SPATA13: variants seen among roughly 807,000 people sequenced by gnomAD.
SPATA13 encodes spermatogenesis-associated protein 13.
A neutral mutation model predicts 104.0 loss-of-function variants in SPATA13; 50 were observed. That is an observed-to-expected ratio of 0.48 (90% CI 0.38 to 0.61). SPATA13 has a LOEUF of 0.61. Among genes scored for constraint, SPATA13 ranks in the 20% least tolerant of loss-of-function variants. SPATA13 has a pLI of 0.00. For synonymous variants in SPATA13, 606 were observed against 667.5 expected (o/e 0.91, Z 1.42); for missense variants, 1,524 against 1,690.6 (o/e 0.90, Z 1.73).
chr13:24,057,613 G>A (rs1016980091), intron 3 of SPATA13, among the ~76,000 whole-genome samples: 2 of 146,580 alleles, frequency 1.4e-5, no homozygotes, highest in African/African-American at 2.4e-5. Flanking sequence ...CTACTTCTTT[G>A]TTTTCTCTCC....
chr13:24,211,847 G>A (rs1212480149), intron 1 of SPATA13, among the ~76,000 whole-genome samples: 2 of 152,140 alleles, frequency 1.3e-5, no homozygotes, highest in African/African-American at 4.8e-5. Context: ...TCCTCCAGCT[G>A]GGGTCTCTGT....
At chr13:24,141,639 G>A (rs1881764126) in intron 3 of SPATA13, among the ~76,000 whole-genome samples, 1 of 152,198 alleles carries the variant, frequency 6.6e-6, no homozygotes, top group South Asian at 2.1e-4. Flanking sequence ...AAGGGCACGA[G>A]TCATGTTCAT....
At chr13:24,127,518 C>CCA (rs1452658570) in intron 3 of SPATA13, among the ~76,000 whole-genome samples, 1 of 152,164 alleles carries the variant, frequency 6.6e-6, no homozygotes, top group East Asian at 1.9e-4. Context: ...GAAGGGTGAA[C>CCA]CATAGAGTGA....
At chr13:24,283,168 C>G (rs911225837) in intron 4 of SPATA13, among the ~76,000 whole-genome samples, 1 of 152,202 alleles carries the variant, frequency 6.6e-6, no homozygotes, top group African/African-American at 2.4e-5. Context: ...AAGCCTTTCC[C>G]TGACTGGGGA....
At chr13:24,086,977 C>T (rs1174287965) in intron 3 of SPATA13, among the ~76,000 whole-genome samples, 1 of 152,206 alleles carries the variant, frequency 6.6e-6, no homozygotes, top group Non-Finnish European at 1.5e-5. Context: ...AATCTGGTTT[C>T]CCTGTGGCCC....
At chr13:24,195,881 A>G (rs952664617) in intron 1 of SPATA13, among the ~76,000 whole-genome samples, 2 of 152,192 alleles carry the variant, frequency 1.3e-5, no homozygotes, top group Admixed American at 1.3e-4. Flanking sequence ...AGCTCAAGTG[A>G]TGTTTGGATT....
rs74701715 is a variant in SPATA13 at position 24,003,850 on chromosome 13, G to A, written c.-146-13817G>A. 4.7e-3 allele frequency among the ~76,000 whole-genome samples: 722 copies of A among 152,194 alleles called. 5 individuals carry two copies. The highest frequency in any genetic ancestry group is 0.016 in the African/African-American group (684 of 41,500). ...ACATATTTAATACAATATTAGAGAC[G>A]TGGGAAAAAACACAATATACATCAG... On this transcript the variant is annotated intron_variant, in intron 2 of 14. Transcript: ENST00000424834.
chr13:24,004,753 C>T (rs560669008), intron 2 of SPATA13, among the ~76,000 whole-genome samples: 16 of 152,094 alleles, frequency 1.1e-4, no homozygotes, highest in African/African-American at 3.1e-4. Flanking sequence ...TCACAGTATC[C>T]GTGAAAGCTG....
chr13:24,153,850 G>T (rs534401960), intron 3 of SPATA13, among the ~76,000 whole-genome samples: 90 of 152,316 alleles, frequency 5.9e-4, no homozygotes, highest in African/African-American at 2.2e-3. Flanking sequence ...ATCCCTTGGG[G>T]TTGGAATCCT....
At chr13:24,243,155 C>A (rs764140753) in intron 2 of SPATA13, among the ~76,000 whole-genome samples, 39 of 152,194 alleles carry the variant, frequency 2.6e-4, no homozygotes, top group Admixed American at 2.6e-4. Context: ...TTTCTGATGT[C>A]TTGAAATATA....
At position 24,224,232 on chromosome 13, in the gene SPATA13, A is replaced by T. The variant is rs956206812; in HGVS notation, c.1303A>T (p.Ile435Phe). ...CACTTGCAGCTCTTTGCCAAGCCCG[A>T]TTGTCCAGGATGTGTTGAGCAAAGA... The part of the protein sequence containing the change: ...SCTCSSLPSP[I>F]VQDVLSKDSC... The change falls in exon 2 of 13, where the codon ATT becomes TTT. Residue 435 changes from isoleucine (I) to phenylalanine (F), a missense_variant. Physicochemically the swap from Ile to Phe is conservative, Grantham distance 21. Around this residue, in one of 2 missense-constraint regions of SPATA13, gnomAD observed 1,089 missense variants for 1,135.9 expected, o/e 0.96. Transcript: ENST00000382108. The T allele has an allele frequency of 1.3e-6, 2 of 1,551,666 alleles. No individual in the cohort carries two copies. The highest frequency in any genetic ancestry group is 2.7e-5 in the African/African-American group (2 of 73,122).
At chr13:24,099,947 A>G (rs1214136595) in intron 3 of SPATA13, among the ~76,000 whole-genome samples, 1 of 152,176 alleles carries the variant, frequency 6.6e-6, no homozygotes, top group Non-Finnish European at 1.5e-5. Context: ...AAAGCAGGGC[A>G]ATGATTTTTA....
At chr13:24,147,442 C>T (rs1593359955) in intron 3 of SPATA13, among the ~76,000 whole-genome samples, 1 of 152,126 alleles carries the variant, frequency 6.6e-6, no homozygotes, top group African/African-American at 2.4e-5. Context: ...TAATGCTGGC[C>T]AAGCTTGTCT....
At chr13:24,293,671 A>G (rs1227806969) in intron 9 of SPATA13, among the ~76,000 whole-genome samples, 2 of 152,138 alleles carry the variant, frequency 1.3e-5, no homozygotes, top group Admixed American at 6.5e-5. Flanking sequence ...CCCTTTCTTC[A>G]TTGCTGGAGG....
chr13:24,022,946 T>TA (rs1877052254), intron 3 of SPATA13, among the ~76,000 whole-genome samples: 2 of 148,072 alleles, frequency 1.4e-5, no homozygotes, highest in South Asian at 2.2e-4. Context: ...TCTTTTTTTT[T>TA]ATTATTATTA....
intron 3 of SPATA13, among the ~76,000 whole-genome samples, chr13:24,064,132 C>G (rs78578529): frequency 0.011 from 1,605 of 152,312 alleles, 31 homozygotes; most frequent in African/African-American, 0.036. Context: ...TCTCCTGCCT[C>G]ATCAGGCCAC....
chr13:24,002,982 C>T (rs1329355110), intron 2 of SPATA13, among the ~76,000 whole-genome samples: 1 of 152,078 alleles, frequency 6.6e-6, no homozygotes, highest in African/African-American at 2.4e-5. Flanking sequence ...AGAAAATTGC[C>T]ATCATTTGTT....
At chr13:24,025,372 C>T (rs1401749282) in intron 3 of SPATA13, among the ~76,000 whole-genome samples, 1 of 151,950 alleles carries the variant, frequency 6.6e-6, no homozygotes, top group African/African-American at 2.4e-5. Flanking sequence ...TGTGTATGTA[C>T]ATTCTTCTAT....
chr13:23,989,304 C>T (rs540891492), intron 2 of SPATA13, among the ~76,000 whole-genome samples: 4 of 151,886 alleles, frequency 2.6e-5, no homozygotes, highest in Non-Finnish European at 5.9e-5. Flanking sequence ...CGCCTGTAGT[C>T]CCAGCTACTC....
Sources: allele counts gnomAD v4.1 joint callset (sites outside exome capture counted in the v4.1 genomes callset), GRCh38; gene constraint gnomAD v4.1.1; regional missense constraint gnomAD v4.1.1; transcripts MANE v1.5; gene names NCBI Gene and HGNC (gene_info 2026-07-23, HGNC 2026-07-21).